CNTRL: variants seen among roughly 807,000 people sequenced by gnomAD.
CNTRL encodes 110 kDa centrosomal protein.
In CNTRL, 233 loss-of-function variants were observed where a neutral mutation model predicts 303.7. The ratio of observed to expected loss-of-function variants is 0.77; its 90% CI spans 0.69 to 0.86. The LOEUF (loss-of-function observed/expected upper bound fraction) is 0.86. CNTRL is among the 40% of genes least tolerant of loss of function. The pLI, the probability that CNTRL is intolerant of heterozygous loss-of-function variation, is 0.00. For synonymous variants in CNTRL, 900 were observed against 922.2 expected (o/e 0.98, Z 0.44); for missense variants, 2,524 against 2,650.6 (o/e 0.95, Z 1.05).
chr9:121,088,342 C>T lies in CNTRL; in HGVS notation c.16C>T (p.Gln6Ter). 6.2e-7 allele frequency: 1 copy of T among 1,611,896 alleles called. No individual in the cohort carries two copies. The highest frequency in any genetic ancestry group is 8.5e-7 in the Non-Finnish European group (1 of 1,178,244). MKKGS[Q>*]QKIFSKAKIP... Reference sequence around the variant, plus strand: ...TATTCTTGCAATGAAGAAAGGTTCTCAACAAAAAATATTCTCCAAAGCAAA... The same window carrying T: ...TATTCTTGCAATGAAGAAAGGTTCTTAACAAAAAATATTCTCCAAAGCAAA... The change falls in exon 3 of 44, where the codon CAA (glutamine) becomes TAA (stop). Residue 6 changes from glutamine (Q) to a stop codon, truncating the protein, a stop_gained. Coordinates refer to ENST00000373855, the MANE Select transcript of CNTRL (RefSeq NM_007018.6). LOFTEE classifies it high-confidence loss of function.
At chr9:121,154,065 A>G (rs187640683) in intron 26 of CNTRL, among the ~76,000 whole-genome samples, 2 of 152,352 alleles carry the variant, frequency 1.3e-5, no homozygotes, top group East Asian at 3.9e-4. Flanking sequence ...TATTCTAGGA[A>G]GTTTGGATAA....
At chr9:121,107,406 T>TG (rs1318677093) in intron 7 of CNTRL, among the ~76,000 whole-genome samples, 2 of 152,188 alleles carry the variant, frequency 1.3e-5, no homozygotes, top group South Asian at 2.1e-4. Flanking sequence ...GATCTTATCC[T>TG]AAGAGTAACA....
chr9:121,144,964 G>T lies in CNTRL; in HGVS notation c.3168+5G>T, dbSNP rs2051752042. On this transcript the variant is annotated splice_donor_5th_base_variant and intron_variant, in intron 21 of 43. Transcript: ENST00000373855. ...CTCAGGCAGAAGGGGGAGCAGGTCA[G>T]TGTTGGTACCCAGAGACCTCCTCTT... 1 of 1,604,984 alleles carries T rather than the reference G, an allele frequency of 6.2e-7. No homozygotes were observed. The highest frequency in any genetic ancestry group is 2.2e-5 in the East Asian group (1 of 44,762).
chr9:121,122,468 A>C (rs1231900426), intron 12 of CNTRL: 1 of 854,204 alleles, frequency 1.2e-6, no homozygotes, highest in African/African-American at 1.8e-5. Context: ...TTTTATAATC[A>C]CATGGGTCTT....
At chr9:121,130,545 C>T (rs577858232) in intron 14 of CNTRL, among the ~76,000 whole-genome samples, 82 of 152,102 alleles carry the variant, frequency 5.4e-4, no homozygotes, top group African/African-American at 1.8e-3. Flanking sequence ...GTCTTGCTAG[C>T]GGTCTATCTA....
chr9:121,133,190 G>A (rs887545146), intron 14 of CNTRL, among the ~76,000 whole-genome samples: 4 of 152,240 alleles, frequency 2.6e-5, no homozygotes, highest in Non-Finnish European at 4.4e-5. Context: ...CTACAGGGAC[G>A]TTTGAGTCTG....
intron 14 of CNTRL, among the ~76,000 whole-genome samples, chr9:121,133,293 C>T (rs1030242222): frequency 6.6e-6 from 1 of 152,226 alleles, no homozygotes; most frequent in African/African-American, 2.4e-5. Context: ...CTGCGGTGGG[C>T]TCCGCCCAGT....
In CNTRL at chr9:121,107,867, A is replaced by G. The variant is rs758506759; in HGVS notation, c.874A>G (p.Lys292Glu). The G allele has an allele frequency of 6.2e-7, 1 of 1,609,590 alleles. No individual in the cohort carries two copies. The highest frequency in any genetic ancestry group is 8.5e-7 in the Non-Finnish European group (1 of 1,178,420). ...GATAGAAACTGAAGAGCTTAAGAGC[A>G]AACAAACAAGGTTCCTTGAGGAAAT... ...KMIETEELKS[K>E]QTRFLEEIKN... The change falls in exon 8 of 44, where the codon AAA becomes GAA. Residue 292 changes from lysine (K) to glutamate (E), a missense_variant. Transcript: ENST00000373855.
intron 25 of CNTRL, among the ~76,000 whole-genome samples, chr9:121,151,511 C>T (rs1432179207): frequency 6.6e-6 from 1 of 151,044 alleles, no homozygotes; most frequent in African/African-American, 2.4e-5. Flanking sequence ...CTGCCTCAGC[C>T]TCCCAAGTAG....
At position 121,167,649 on chromosome 9, in the gene CNTRL, A is replaced by G; in HGVS notation, c.5816A>G (p.Asn1939Ser). 6.2e-7 allele frequency: 1 copy of G among 1,614,138 alleles called. No individual in the cohort carries two copies. Among genetic ancestry groups the G allele is most frequent in the Non-Finnish European group, 8.5e-7 (1 of 1,179,984 alleles). Reference protein sequence around the residue: ...LQVLQNEIEENKLKLVQQEMM... With the variant: ...LQVLQNEIEESKLKLVQQEMM... The stretch of plus-strand genomic sequence containing the variant: ...GTGCTTCAGAATGAGATTGAAGAAA[A>G]CAAGCTCAAACTAGTCCAACAAGAA... The change falls in exon 37 of 44, where the codon AAC (asparagine) becomes AGC (serine). Residue 1939 changes from asparagine (N) to serine (S), a missense_variant. Asn to Ser is a conservative substitution (Grantham distance 46). Coordinates refer to ENST00000373855, the MANE Select transcript of CNTRL (RefSeq NM_007018.6).
intron 4 of CNTRL, among the ~76,000 whole-genome samples, chr9:121,091,295 C>T (rs531028136): frequency 1.8e-4 from 27 of 152,188 alleles, no homozygotes; most frequent in South Asian, 1.2e-3. Context: ...ATTTCTACCA[C>T]GTATTATTCA....
chr9:121,114,124 C>G (rs943273751), intron 10 of CNTRL, among the ~76,000 whole-genome samples: 36 of 152,238 alleles, frequency 2.4e-4, no homozygotes, highest in Admixed American at 2.2e-3. Context: ...AGAGCATTCT[C>G]CTCAGGCCTG....
intron 4 of CNTRL, among the ~76,000 whole-genome samples, chr9:121,092,130 T>A (rs2048604347): frequency 6.8e-6 from 1 of 147,052 alleles, no homozygotes; most frequent in Non-Finnish European, 1.5e-5. Flanking sequence ...CAAACATGTA[T>A]TGCTTATATA....
At position 121,175,171 on chromosome 9, in the gene CNTRL, C is replaced by T. The variant is rs752479225; in HGVS notation, c.6901C>T (p.Leu2301=). The change falls in exon 43 of 44, where the codon CTG becomes TTG. Residue 2301 remains leucine, a synonymous_variant. Transcript: ENST00000373855. ...TSADSASSPS[L]SQLESSLTED... ...TGCAGATTCAGCGTCATCACCCAGTCTGTCTCAGCTGGAGTCTTCCCTCAC... is the reference window on the plus strand; with the variant it reads ...TGCAGATTCAGCGTCATCACCCAGTTTGTCTCAGCTGGAGTCTTCCCTCAC... The T allele has an allele frequency of 6.2e-7, 1 of 1,614,160 alleles. No homozygotes were observed. Among genetic ancestry groups the T allele is most frequent in the African/African-American group, 1.3e-5 (1 of 75,058 alleles).
chr9:121,115,259 C>A, intron 11 of CNTRL, 59 bp downstream of exon 11: 2 of 935,812 alleles, frequency 2.1e-6, no homozygotes, highest in South Asian at 1.6e-5. Context: ...GTGTTTTTCC[C>A]TTCATAACCA....
At chr9:121,165,171 G>A (rs763214220) in intron 35 of CNTRL, 71 bp downstream of exon 35, 7 of 1,397,506 alleles carry the variant, frequency 5.0e-6, no homozygotes, top group Non-Finnish European at 6.7e-6. Context: ...TTTTTCTTAC[G>A]ACAAGTAATT....
Position 121,098,367 on chromosome 9 carries a change from T to G in CNTRL, c.622-19T>G. The G allele has an allele frequency of 6.6e-7, 1 of 1,513,874 alleles. No individual in the cohort carries two copies. Among genetic ancestry groups the G allele is most frequent in the Non-Finnish European group, 9.1e-7 (1 of 1,097,142 alleles). 93.8% of individuals were successfully genotyped at this position (1,513,874 alleles called of 1,614,324 possible). The stretch of plus-strand genomic sequence containing the variant: ...TTTTTAAATTAAATTATACCAATAC[T>G]AATGTTATATCATTTCAGCTCCAAG... On this transcript the variant is annotated intron_variant, in intron 6 of 43. Transcript: ENST00000373855.
chr9:121,134,360 C>A (rs1221415145), intron 14 of CNTRL, among the ~76,000 whole-genome samples: 1 of 149,572 alleles, frequency 6.7e-6, no homozygotes, highest in African/African-American at 2.5e-5. Context: ...GCATGATCTT[C>A]GCTCACTGCA....
chr9:121,158,710 C>G, intron 30 of CNTRL, 145 bp from the exon 31 acceptor site: 1 of 727,908 alleles, frequency 1.4e-6, no homozygotes, highest in Non-Finnish European at 2.3e-6. Context: ...GGCATTTCAC[C>G]CTTGCACTCC....
Sources: gnomAD v4.1 joint callset for allele counts (sites outside exome capture counted in the v4.1 genomes callset) on GRCh38, gnomAD v4.1.1 for gene constraint, MANE v1.5 for transcripts, NCBI Gene and HGNC (gene_info 2026-07-23, HGNC 2026-07-21) for gene names.